The following GABBR2 variants were observed in gnomAD, a reference collection of about 807,000 sequenced individuals.
GABBR2 encodes G-protein coupled receptor 51.
A neutral mutation model predicts 105.6 loss-of-function variants in GABBR2; 23 were observed. The observed-to-expected ratio is 0.22, with a 90% CI of 0.16 to 0.31. The LOEUF (loss-of-function observed/expected upper bound fraction) is 0.31. GABBR2 is among the 10% of genes least tolerant of loss of function. GABBR2 has a pLI of 1.00. For missense variants in GABBR2, 734 were observed against 1,245.5 expected, an observed-to-expected ratio of 0.59 and a Z score of 6.18; for synonymous variants, 478 against 499.7, an observed-to-expected ratio of 0.96 and a Z score of 0.58.
chr9:98,504,685 A>C (rs1588199996), intron 3 of GABBR2, among the ~76,000 whole-genome samples: 1 of 152,238 alleles, frequency 6.6e-6, no homozygotes, highest in East Asian at 1.9e-4. Context: ...AAAGTGTATA[A>C]TTATAGATTT....
chr9:98,582,032 T>A (rs1367125108), intron 1 of GABBR2, among the ~76,000 whole-genome samples: 1 of 152,228 alleles, frequency 6.6e-6, no homozygotes, highest in Non-Finnish European at 1.5e-5. Flanking sequence ...TTTATCTGAC[T>A]GAATTTTCAC....
intron 3 of GABBR2, among the ~76,000 whole-genome samples, chr9:98,508,408 C>G (rs1008763137): frequency 6.6e-6 from 1 of 152,208 alleles, no homozygotes; most frequent in South Asian, 2.1e-4. Flanking sequence ...GAGTGCCAGA[C>G]AGTAAGTGCA....
chr9:98,703,893 TAC>T (rs1335167318), intron 1 of GABBR2, among the ~76,000 whole-genome samples: 1 of 151,974 alleles, frequency 6.6e-6, no homozygotes, highest in Non-Finnish European at 1.5e-5. Context: ...TGAGATTTAA[TAC>T]AGTTAAATCT....
chr9:98,657,073 T>C (rs776130785), intron 1 of GABBR2, among the ~76,000 whole-genome samples: 7 of 152,222 alleles, frequency 4.6e-5, no homozygotes, highest in Admixed American at 2.0e-4. Context: ...TCTTGAAAAC[T>C]CAGTAGATCT....
intron 5 of GABBR2, among the ~76,000 whole-genome samples, chr9:98,477,933 C>G (rs1177418604): frequency 1.3e-5 from 2 of 152,114 alleles, no homozygotes; most frequent in East Asian, 3.9e-4. Flanking sequence ...GATGAGGCAG[C>G]TGGGGACCAG....
At chr9:98,367,264 T>A (rs1455420429) in intron 12 of GABBR2, among the ~76,000 whole-genome samples, 1 of 143,272 alleles carries the variant, frequency 7.0e-6, no homozygotes, top group African/African-American at 2.7e-5. Context: ...ATGATTGCAT[T>A]TGCAAATTTA....
chr9:98,638,367 A>C (rs1829910075), intron 1 of GABBR2, among the ~76,000 whole-genome samples: 1 of 152,218 alleles, frequency 6.6e-6, no homozygotes, highest in Non-Finnish European at 1.5e-5. Flanking sequence ...TGGGGAGAAT[A>C]AGATCCAAAG....
At chr9:98,439,886 T>G (rs1826000026) in intron 7 of GABBR2, among the ~76,000 whole-genome samples, 1 of 149,294 alleles carries the variant, frequency 6.7e-6, no homozygotes, top group Admixed American at 6.7e-5. Context: ...ACCTCTTTAA[T>G]CCTCACAGCC....
chr9:98,296,773 C>T lies in GABBR2; in HGVS notation c.2542+2451G>A, dbSNP rs916128598. Among the ~76,000 whole-genome samples the T allele has an allele frequency of 1.3e-4, 20 of 152,202 alleles. 1 individual carries two copies. Among genetic ancestry groups the T allele is most frequent in the Admixed American group, 1.0e-3 (16 of 15,296 alleles). ...ATTATACATACTTTTTGTATTGTTA[C>T]ACATCATTTCTCCTTATATATAAGG... On this transcript the variant is annotated intron_variant, in intron 17 of 18. Coordinates refer to ENST00000259455, the MANE Select transcript of GABBR2 (RefSeq NM_005458.8).
At chr9:98,534,852 T>G (rs770012307) in intron 3 of GABBR2, among the ~76,000 whole-genome samples, 3 of 152,242 alleles carry the variant, frequency 2.0e-5, no homozygotes, top group Non-Finnish European at 2.9e-5. Flanking sequence ...CCTTACCATA[T>G]GATCCAGCAA....
intron 7 of GABBR2, among the ~76,000 whole-genome samples, chr9:98,419,528 A>C (rs555954306): frequency 2.0e-5 from 3 of 152,208 alleles, no homozygotes; most frequent in African/African-American, 7.2e-5. Flanking sequence ...ACCTGGGAGG[A>C]GCGGAAGAAC....
chr9:98,684,225 A>T (rs1475624941), intron 1 of GABBR2, among the ~76,000 whole-genome samples: 1 of 147,926 alleles, frequency 6.8e-6, no homozygotes, highest in East Asian at 2.0e-4. Flanking sequence ...CTCAAGTAAC[A>T]GCAGCAGATG....
At position 98,436,398 on chromosome 9, in the gene GABBR2, TATATATATAG is replaced by T. The variant is rs1354091283; in HGVS notation, c.1236+17573_1236+17582del. Among the ~76,000 whole-genome samples the T allele has an allele frequency of 1.3e-3, 76 of 59,600 alleles. 3 individuals are homozygous for T. Among genetic ancestry groups the T allele is most frequent in the African/African-American group, 2.5e-3 (38 of 15,184 alleles). 39.1% of individuals were successfully genotyped at this position (59,600 alleles called of 152,430 possible). A position where few individuals can be genotyped will look rare whatever the true frequency, so the allele number is the denominator to read the frequency against. Reference sequence around the variant, plus strand: ...ATATATATATATATATATATATATATATATATATAGTATGGCGTTCTTTCTTCTACTACCA... The same window carrying T: ...ATATATATATATATATATATATATATTATGGCGTTCTTTCTTCTACTACCA... On this transcript the variant is annotated intron_variant, in intron 7 of 18. Transcript: ENST00000259455.
intron 3 of GABBR2, among the ~76,000 whole-genome samples, 190 bp from the exon 4 acceptor site, chr9:98,496,704 T>C (rs1489052970): frequency 6.6e-6 from 1 of 152,124 alleles, no homozygotes; most frequent in Non-Finnish European, 1.5e-5. Flanking sequence ...AGTCCCACCC[T>C]GCAACTGACA....
At chr9:98,448,806 G>T (rs1826181577) in intron 7 of GABBR2, among the ~76,000 whole-genome samples, 1 of 152,112 alleles carries the variant, frequency 6.6e-6, no homozygotes, top group Non-Finnish European at 1.5e-5. Context: ...TTACCAAACA[G>T]GGTATACTGC....
At chr9:98,704,005 T>C (rs566901670) in intron 1 of GABBR2, among the ~76,000 whole-genome samples, 15 of 152,120 alleles carry the variant, frequency 9.9e-5, no homozygotes, top group Admixed American at 3.3e-4. Context: ...CACAGAATTA[T>C]GCAACCATCT....
intron 1 of GABBR2, among the ~76,000 whole-genome samples, chr9:98,668,594 ACC>A (rs1262559059): frequency 1.9e-3 from 2 of 1,066 alleles, no homozygotes; most frequent in East Asian, 0.022. Flanking sequence ...TTGTTGTACA[ACC>A]ACCACCACCA....
intron 1 of GABBR2, among the ~76,000 whole-genome samples, chr9:98,631,124 T>G (rs775447970): frequency 2.0e-5 from 3 of 152,172 alleles, no homozygotes; most frequent in Non-Finnish European, 4.4e-5. Flanking sequence ...GACTAATTCT[T>G]GACTCAGAAA....
At chr9:98,661,697 G>C (rs1248022656) in intron 1 of GABBR2, among the ~76,000 whole-genome samples, 1 of 152,172 alleles carries the variant, frequency 6.6e-6, no homozygotes, top group Non-Finnish European at 1.5e-5. Flanking sequence ...CACCGCGCCT[G>C]GCCTGTGATG....
Sources: gnomAD v4.1 joint callset for allele counts (sites outside exome capture counted in the v4.1 genomes callset) on GRCh38, gnomAD v4.1.1 for gene constraint, MANE v1.5 for transcripts, NCBI Gene and HGNC (gene_info 2026-07-23, HGNC 2026-07-21) for gene names.